The following TTLL9 variants were observed in gnomAD, a reference collection of about 807,000 sequenced individuals.
The protein encoded by TTLL9 is probable tubulin polyglutamylase TTLL9.
TTLL9 carries 47 observed loss-of-function variants against 65.6 expected under a neutral mutation model. That is an observed-to-expected ratio of 0.72 (90% CI 0.57 to 0.91). The LOEUF (loss-of-function observed/expected upper bound fraction) is 0.91. TTLL9 is among the 40% of genes least tolerant of loss of function. The pLI is 0.00. For synonymous variants in TTLL9, 179 were observed against 204.8 expected (o/e 0.87, Z 1.07); for missense variants, 537 against 568.8 (o/e 0.94, Z 0.57).
intron 3 of TTLL9, among the ~76,000 whole-genome samples, chr20:31,890,473 A>T (rs8125078): frequency 2.0e-5 from 3 of 151,852 alleles, no homozygotes; most frequent in Non-Finnish European, 4.4e-5. Flanking sequence ...GTGTATCGCA[A>T]GTTATTTACC....
intron 11 of TTLL9, chr20:31,934,460 G>T: frequency 1.5e-6 from 1 of 670,784 alleles, no homozygotes; most frequent in Non-Finnish European, 2.7e-6. Flanking sequence ...GGCCTACGCA[G>T]GCCATGTGGG....
intron 2 of TTLL9, among the ~76,000 whole-genome samples, chr20:31,873,813 GAAGGAAGGAAGAAAGA>G (rs1257836891): frequency 0.033 from 3,173 of 97,344 alleles, 39 homozygotes; most frequent in Non-Finnish European, 0.041. Flanking sequence ...AGGAAGGAAG[GAAGGAAGGAAGAAAGA>G]AAGAAAGAAA....
At chr20:31,932,056 G>T (rs1229149630) in intron 10 of TTLL9, among the ~76,000 whole-genome samples, 1 of 152,066 alleles carries the variant, frequency 6.6e-6, no homozygotes, top group Non-Finnish European at 1.5e-5. Context: ...ATTAATTTTT[G>T]GGCTGGGTGC....
rs745736762 is a variant in TTLL9 at position 31,934,930 on chromosome 20, T to C, written c.1004+42T>C. 79 of 1,571,014 alleles carry C rather than the reference T, an allele frequency of 5.0e-5. 1 individual carries two copies. The highest frequency in any genetic ancestry group is 2.4e-4 in the Admixed American group (14 of 57,940). Reference sequence around the variant, plus strand: ...GAGAGCCAGGAGGTCATAGTTTGCATACTCGGCACCCAGACTGCCCAGGTT... The same window carrying C: ...GAGAGCCAGGAGGTCATAGTTTGCACACTCGGCACCCAGACTGCCCAGGTT... On this transcript the variant is annotated intron_variant, in intron 12 of 14. Coordinates refer to ENST00000535842, the MANE Select transcript of TTLL9 (RefSeq NM_001008409.5).
chr20:31,909,318 AT>A (rs1185431013), intron 5 of TTLL9, among the ~76,000 whole-genome samples: 2 of 151,398 alleles, frequency 1.3e-5, no homozygotes, highest in Non-Finnish European at 1.5e-5. Context: ...TAATTTTTGT[AT>A]TTTTGTTAGA....
intron 4 of TTLL9, among the ~76,000 whole-genome samples, chr20:31,906,692 C>T (rs888039299): frequency 6.6e-6 from 1 of 152,086 alleles, no homozygotes; most frequent in Non-Finnish European, 1.5e-5. Context: ...CTCTGTCACA[C>T]ACGCTGGAGT....
chr20:31,924,521 C>A (rs780798682), intron 8 of TTLL9, among the ~76,000 whole-genome samples: 24 of 152,032 alleles, frequency 1.6e-4, no homozygotes, highest in Non-Finnish European at 2.5e-4. Context: ...GACTTTCCCC[C>A]AAGTTGACCC....
At chr20:31,917,195 T>G (rs1320474206) in intron 6 of TTLL9, among the ~76,000 whole-genome samples, 1 of 152,154 alleles carries the variant, frequency 6.6e-6, no homozygotes, top group Non-Finnish European at 1.5e-5. Context: ...AACAGAGCGT[T>G]CCCTACCCTC....
intron 10 of TTLL9, among the ~76,000 whole-genome samples, chr20:31,933,217 G>A (rs1182253513): frequency 6.6e-6 from 1 of 152,170 alleles, no homozygotes; most frequent in Non-Finnish European, 1.5e-5. Context: ...GGTGACGATG[G>A]TGATGGTACT....
At chr20:31,916,688 T>G (rs2063739064) in intron 6 of TTLL9, among the ~76,000 whole-genome samples, 2 of 152,192 alleles carry the variant, frequency 1.3e-5, no homozygotes, top group South Asian at 4.1e-4. Context: ...ATCAGACTTG[T>G]CACCTCATGG....
intron 4 of TTLL9, among the ~76,000 whole-genome samples, chr20:31,904,561 T>C (rs1208716431): frequency 6.6e-6 from 1 of 152,088 alleles, no homozygotes; most frequent in African/African-American, 2.4e-5. Context: ...TTTAACCACG[T>C]TGACCAGGCT....
At chr20:31,913,459 C>T (rs1178433424) in intron 6 of TTLL9, among the ~76,000 whole-genome samples, 1 of 152,216 alleles carries the variant, frequency 6.6e-6, no homozygotes, top group Non-Finnish European at 1.5e-5. Flanking sequence ...TCCCTCCACT[C>T]TTCCCACAAG....
intron 12 of TTLL9, among the ~76,000 whole-genome samples, chr20:31,936,523 C>T (rs1413300933): frequency 1.3e-5 from 2 of 152,014 alleles, no homozygotes; most frequent in South Asian, 2.1e-4. Context: ...CAGATGATCT[C>T]GCAATTCTGG....
intron 11 of TTLL9, chr20:31,934,231 T>C: frequency 2.1e-6 from 1 of 485,504 alleles, no homozygotes; most frequent in Non-Finnish European, 4.0e-6. Flanking sequence ...AATACAGAAT[T>C]CTCAGACTTC....
intron 14 of TTLL9, chr20:31,940,664 A>C (rs1196325466): frequency 6.6e-6 from 1 of 152,168 alleles, no homozygotes; most frequent in African/African-American, 2.4e-5. Flanking sequence ...TGGCAGATTT[A>C]CTGGAGACTT....
At chr20:31,899,700 C>T (rs1182216648) in intron 4 of TTLL9, among the ~76,000 whole-genome samples, 1 of 151,510 alleles carries the variant, frequency 6.6e-6, no homozygotes, top group African/African-American at 2.4e-5. Flanking sequence ...ACTCAGGAGT[C>T]TCTCACAGCT....
At chr20:31,924,962 G>C in intron 8 of TTLL9, 47 bp from the exon 9 acceptor site, 1 of 1,608,958 alleles carries the variant, frequency 6.2e-7, no homozygotes. Context: ...CACAATGTCT[G>C]ACGATCAATA....
At chr20:31,902,420 G>A (rs983281412) in intron 4 of TTLL9, among the ~76,000 whole-genome samples, 5 of 151,874 alleles carry the variant, frequency 3.3e-5, no homozygotes, top group Non-Finnish European at 7.4e-5. Flanking sequence ...TCGCTGTGTC[G>A]CCCAGGCTGG....
At chr20:31,918,079 A>G (rs1423040159) in intron 6 of TTLL9, among the ~76,000 whole-genome samples, 1 of 151,332 alleles carries the variant, frequency 6.6e-6, no homozygotes, top group Non-Finnish European at 1.5e-5. Flanking sequence ...ATTAAGATCT[A>G]CTGTTTTACT....
Sources: gnomAD v4.1 joint callset for allele counts (sites outside exome capture counted in the v4.1 genomes callset) on GRCh38, gnomAD v4.1.1 for gene constraint, MANE v1.5 for transcripts, NCBI Gene and HGNC (gene_info 2026-07-23, HGNC 2026-07-21) for gene names.